The following FAM117A variants were observed in gnomAD, a reference collection of about 807,000 sequenced individuals.
The protein encoded by FAM117A is protein FAM117A.
FAM117A carries 21 observed loss-of-function variants against 44.1 expected under a neutral mutation model. That is an observed-to-expected ratio of 0.48 (90% CI 0.34 to 0.69). The LOEUF is 0.69. Among genes scored for constraint, FAM117A ranks in the 30% least tolerant of loss-of-function variants. The pLI is 0.01. For synonymous variants in FAM117A, 220 were observed against 238.3 expected (o/e 0.92, Z 0.71); for missense variants, 498 against 589.9 (o/e 0.84, Z 1.61).
intron 7 of FAM117A, 35 bp from the exon 8 acceptor site, chr17:49,711,590 G>A (rs963125572): frequency 1.3e-6 from 2 of 1,593,742 alleles, no homozygotes; most frequent in African/African-American, 1.3e-5. Flanking sequence ...AGACACATAC[G>A]TACACACAGA....
chr17:49,716,204 G>C lies in FAM117A; in HGVS notation c.1022C>G (p.Pro341Arg). ...CACACGCACTTTCTCACAGCCTTCT[G>C]GGGGCTCCCGTTTGAAGATGTAGCT... ...NHSYIFKREPPEGCEKVRVFE... is the reference protein window; with the variant it reads ...NHSYIFKREPREGCEKVRVFE... Residue 341 changes from proline (P) to arginine (R), a missense_variant, in exon 7 of 8, where the codon CCA becomes CGA. Transcript: ENST00000240364. 2.5e-6 allele frequency: 4 copies of C among 1,610,438 alleles called. No homozygotes were observed. Among genetic ancestry groups the C allele is most frequent in the Non-Finnish European group, 3.4e-6 (4 of 1,177,958 alleles).
chr17:49,719,244 A>G (rs929418575), intron 5 of FAM117A, among the ~76,000 whole-genome samples: 15 of 152,048 alleles, frequency 9.9e-5, no homozygotes, highest in African/African-American at 3.4e-4. Flanking sequence ...CTGGGCAACA[A>G]GAGTGAAACT....
intron 5 of FAM117A, among the ~76,000 whole-genome samples, chr17:49,718,563 C>T (rs1395524875): frequency 1.3e-5 from 2 of 151,098 alleles, no homozygotes; most frequent in African/African-American, 2.4e-5. Context: ...CCCAGCTACT[C>T]GGGAGGCTGA....
chr17:49,767,472 G>A (rs2073748731), upstream of FAM117A, among the ~76,000 whole-genome samples: 1 of 152,232 alleles, frequency 6.6e-6, no homozygotes, highest in Admixed American at 6.5e-5. Context: ...TTGTCCCTAT[G>A]CTGAAGTTCA....
At chr17:49,727,706 A>G (rs1168079915) in intron 2 of FAM117A, among the ~76,000 whole-genome samples, 1 of 152,192 alleles carries the variant, frequency 6.6e-6, no homozygotes, top group Non-Finnish European at 1.5e-5. Flanking sequence ...GGCGGGATGA[A>G]GCTGAAAACC....
chr17:49,769,323 G>T (rs1301165380), intron 1 of FAM117A, among the ~76,000 whole-genome samples: 2 of 151,494 alleles, frequency 1.3e-5, no homozygotes, highest in Non-Finnish European at 2.9e-5. Flanking sequence ...AAAATAAAAT[G>T]AAGATTCTCA....
At chr17:49,788,360 T>C (rs1339586114) in intron 1 of FAM117A, 2 of 157,570 alleles carry the variant, frequency 1.3e-5, no homozygotes, top group African/African-American at 4.8e-5. Context: ...TGATGGATTC[T>C]GGGGGGTTTC....
At chr17:49,734,036 G>C (rs1484305561) in intron 1 of FAM117A, among the ~76,000 whole-genome samples, 1 of 151,534 alleles carries the variant, frequency 6.6e-6, no homozygotes, top group African/African-American at 2.4e-5. Context: ...CCAGCTACTC[G>C]GGAGGCTGAG....
chr17:49,711,611 C>T (rs1222330661), intron 7 of FAM117A, 56 bp from the exon 8 acceptor site: 3 of 1,535,018 alleles, frequency 2.0e-6, no homozygotes, highest in Non-Finnish European at 2.7e-6. Context: ...GAGAAACAGA[C>T]AGCGAGAGAG....
At chr17:49,757,196 C>A (rs1023311878) in intron 1 of FAM117A, among the ~76,000 whole-genome samples, 5 of 151,910 alleles carry the variant, frequency 3.3e-5, no homozygotes, top group Admixed American at 2.0e-4. Flanking sequence ...TGTCCTCCAC[C>A]CCCCCAGCAA....
chr17:49,779,005 AAAG>A (rs2073782314), intron 1 of FAM117A, among the ~76,000 whole-genome samples: 2 of 152,238 alleles, frequency 1.3e-5, no homozygotes, highest in South Asian at 2.1e-4. Context: ...GAAAATAGGC[AAAG>A]AAGAATATGG....
At chr17:49,729,080 C>T (rs1028566301) in intron 2 of FAM117A, among the ~76,000 whole-genome samples, 2 of 152,202 alleles carry the variant, frequency 1.3e-5, no homozygotes, top group Non-Finnish European at 2.9e-5. Context: ...GGGCTATATT[C>T]AAGAACTGAG....
intron 2 of FAM117A, among the ~76,000 whole-genome samples, chr17:49,727,647 G>A (rs542906750): frequency 6.6e-6 from 1 of 152,328 alleles, no homozygotes; most frequent in Admixed American, 6.5e-5. Context: ...CTGGGCATGG[G>A]GGTGGAGGAC....
At chr17:49,743,892 C>T (rs1008228163) in intron 1 of FAM117A, among the ~76,000 whole-genome samples, 2 of 151,452 alleles carry the variant, frequency 1.3e-5, no homozygotes, top group African/African-American at 4.9e-5. Context: ...GATTGTGCCA[C>T]TACACTCCAG....
chr17:49,719,556 A>C, intron 5 of FAM117A: 1 of 571,398 alleles, frequency 1.8e-6, no homozygotes. Context: ...ACTCACCACC[A>C]CAAAGCCTGC....
chr17:49,743,463 C>T (rs2073642539), intron 1 of FAM117A, among the ~76,000 whole-genome samples: 1 of 152,226 alleles, frequency 6.6e-6, no homozygotes, highest in African/African-American at 2.4e-5. Flanking sequence ...GGCACAGTGG[C>T]TCACGCCTGT....
intron 1 of FAM117A, among the ~76,000 whole-genome samples, chr17:49,782,701 A>C (rs11868561): frequency 0.017 from 2,440 of 147,662 alleles, 53 homozygotes; most frequent in Middle Eastern, 0.045. Context: ...AAAAAAAAAA[A>C]AAAAAAAAAA....
At chr17:49,714,617 C>T (rs750941809) in intron 7 of FAM117A, among the ~76,000 whole-genome samples, 1 of 151,240 alleles carries the variant, frequency 6.6e-6, no homozygotes, top group Non-Finnish European at 1.5e-5. Context: ...GCATTACAGG[C>T]GTGAGCCACT....
At chr17:49,749,136 CA>C (rs925451638) in intron 1 of FAM117A, among the ~76,000 whole-genome samples, 1 of 152,174 alleles carries the variant, frequency 6.6e-6, no homozygotes, top group African/African-American at 2.4e-5. Context: ...TGGTACGTAG[CA>C]GAAGAAAGCT....
Sources: gnomAD v4.1 joint callset for allele counts (sites outside exome capture counted in the v4.1 genomes callset) on GRCh38, gnomAD v4.1.1 for gene constraint, MANE v1.5 for transcripts, NCBI Gene and HGNC (gene_info 2026-07-23, HGNC 2026-07-21) for gene names.